The following STK31 variants were observed in gnomAD, a reference collection of about 807,000 sequenced individuals.
STK31 encodes the protein serine/threonine kinase 31.
Under a neutral mutation model 129.7 loss-of-function variants are expected in STK31, and 89 were observed. The ratio of observed to expected loss-of-function variants is 0.69; its 90% confidence interval spans 0.58 to 0.82. The LOEUF (loss-of-function observed/expected upper bound fraction) is 0.82. STK31 is among the 40% of genes least tolerant of loss of function. The probability of loss-of-function intolerance (pLI) is 0.00; values close to 1 mark genes in which losing one functional copy is unlikely to be tolerated. For synonymous variants in STK31, 448 were observed against 395.3 expected, an observed-to-expected ratio of 1.13 and a Z score of -1.58; for missense variants, 1,187 against 1,176.4, an observed-to-expected ratio of 1.01 and a Z score of -0.13.
chr7:23,754,363 A>G lies in STK31; in HGVS notation c.1182A>G (p.Ile394Met), dbSNP rs766743451. The change falls in exon 10 of 24, where the codon ATA (isoleucine) becomes ATG (methionine). Residue 394 changes from isoleucine to methionine, a missense_variant. Transcript: ENST00000355870. ...TCGGAAAAGACCTTTCAGATGCTATACAAGTGTTGGATGAAGGGTGCTTTA... is the reference window on the plus strand; with the variant it reads ...TCGGAAAAGACCTTTCAGATGCTATGCAAGTGTTGGATGAAGGGTGCTTTA... ...VRFGKDLSDA[I>M]QVLDEGCFTT... The G allele has an allele frequency of 1.2e-6, 2 of 1,613,946 alleles. No individual in the cohort carries two copies. The highest frequency in any genetic ancestry group is 2.7e-5 in the African/African-American group (2 of 74,908).
At chr7:23,714,447 T>A in intron 3 of STK31, among the ~76,000 whole-genome samples, 1 of 152,250 alleles carries the variant, frequency 6.6e-6, no homozygotes, top group Non-Finnish European at 1.5e-5. Flanking sequence ...ATGAGCCATG[T>A]AAGTAATTTT....
chr7:23,797,970 A>G (rs973088863), intron 22 of STK31, among the ~76,000 whole-genome samples: 1 of 152,140 alleles, frequency 6.6e-6, no homozygotes, highest in South Asian at 2.1e-4. Context: ...TGCAATAAAC[A>G]CCTCTATGCA....
chr7:23,716,430 A>G (rs749681024), intron 3 of STK31, among the ~76,000 whole-genome samples: 2 of 152,018 alleles, frequency 1.3e-5, no homozygotes, highest in Non-Finnish European at 2.9e-5. Flanking sequence ...TTCTTTTGTA[A>G]TTAATTAATG....
intron 23 of STK31, among the ~76,000 whole-genome samples, chr7:23,831,755 GT>G (rs1308129270): frequency 2.6e-5 from 4 of 152,160 alleles, no homozygotes; most frequent in African/African-American, 9.7e-5. Flanking sequence ...GTTTATATGT[GT>G]TTTGTAATGG....
intron 4 of STK31, among the ~76,000 whole-genome samples, chr7:23,726,895 T>C (rs1787121372): frequency 6.6e-6 from 1 of 152,174 alleles, no homozygotes; most frequent in Admixed American, 6.5e-5. Context: ...GTACCAATTA[T>C]CGCCTCAGAT....
intron 18 of STK31, 121 bp downstream of exon 18, chr7:23,785,724 A>G (rs1347809676): frequency 1.0e-5 from 13 of 1,279,096 alleles, no homozygotes; most frequent in Non-Finnish European, 1.1e-5. Context: ...GTTGACTGGC[A>G]TGATAATTGT....
At chr7:23,750,794 T>C (rs1788664778) in intron 8 of STK31, among the ~76,000 whole-genome samples, 1 of 152,222 alleles carries the variant, frequency 6.6e-6, no homozygotes, top group African/African-American at 2.4e-5. Flanking sequence ...GTGTGATATT[T>C]TGTCATATGC....
rs79427498 is a variant in STK31, at chr7:23,743,383, T to A, written c.1017+6305T>A. The stretch of plus-strand genomic sequence containing the variant: ...TGCTTGCCTGGGAAAGACTACTACT[T>A]CTTCATTCATGAAAGACAACTTTGC... On this transcript the variant is annotated intron_variant, in intron 8 of 23. Transcript: ENST00000355870. Among the ~76,000 whole-genome samples the A allele has an allele frequency of 1.8e-3, 272 of 152,322 alleles. 7 individuals carry two copies. In the East Asian group the frequency reaches 0.046, roughly 26 times the overall value.
chr7:23,772,278 G>A lies in STK31; in HGVS notation c.1965G>A (p.Glu655=). ...WKLVEKSNLE[E]SDDPDGSQIE... is the part of the protein sequence containing the mutation. ...TGGTTGAAAAGAGTAATTTGGAAGA[G>A]GTAAGGAAACAGTTGTTTCTTACTG... The change falls in exon 15 of 24, where the codon GAG becomes GAA. Residue 655 remains glutamate (E), a splice_region_variant and synonymous_variant. Transcript: ENST00000355870. 1 of 1,601,018 alleles carries A rather than the reference G, an allele frequency of 6.2e-7. No individual in the cohort carries two copies. Among genetic ancestry groups the A allele is most frequent in the Non-Finnish European group, 8.5e-7 (1 of 1,175,796 alleles).
chr7:23,735,760 C>T lies in STK31; in HGVS notation c.706C>T (p.Leu236Phe). 6.2e-7 allele frequency: 1 copy of T among 1,614,086 alleles called. No homozygotes were observed. Among genetic ancestry groups the T allele is most frequent in the Non-Finnish European group, 8.5e-7 (1 of 1,180,022 alleles). Residue 236 changes from leucine (L) to phenylalanine (F), a missense_variant, in exon 7 of 24, where the codon CTC becomes TTC. By Grantham distance (22) the Leu-to-Phe change is conservative. This residue lies in a region of STK31 where 975 missense variants were observed against 934.9 expected (regional missense o/e 1.04). Coordinates refer to ENST00000355870, the MANE Select transcript of STK31 (RefSeq NM_031414.5). Reference sequence around the variant, plus strand: ...TCCTGGTCAACTTGTTCTCAGGAACCTCAAAAGCCCCATTCCTTTGTGGGG... The same window carrying T: ...TCCTGGTCAACTTGTTCTCAGGAACTTCAAAAGCCCCATTCCTTTGTGGGG... ...LDPGQLVLRN[L>F]KSPIPLWGHR...
intron 11 of STK31, among the ~76,000 whole-genome samples, chr7:23,768,402 T>C (rs1369922872): frequency 2.6e-5 from 4 of 152,236 alleles, no homozygotes; most frequent in African/African-American, 9.6e-5. Flanking sequence ...AAGTGATGCA[T>C]GATTGTCCAT....
At chr7:23,775,654 G>A (rs1790490230) in intron 15 of STK31, among the ~76,000 whole-genome samples, 1 of 152,132 alleles carries the variant, frequency 6.6e-6, no homozygotes, top group South Asian at 2.1e-4. Flanking sequence ...GTATAGGAAT[G>A]CTTGTGATTT....
chr7:23,737,907 C>T (rs1787814806), intron 8 of STK31, among the ~76,000 whole-genome samples: 1 of 151,310 alleles, frequency 6.6e-6, no homozygotes, highest in African/African-American at 2.4e-5. Flanking sequence ...GTGTGTTTAA[C>T]ACCAAATCTG....
intron 11 of STK31, among the ~76,000 whole-genome samples, chr7:23,768,127 G>A (rs938999237): frequency 2.0e-5 from 3 of 152,130 alleles, no homozygotes; most frequent in Non-Finnish European, 4.4e-5. Flanking sequence ...GGTTTGGTCA[G>A]TGATGGACTG....
chr7:23,813,706 C>T (rs1793294345), intron 22 of STK31, among the ~76,000 whole-genome samples: 1 of 152,170 alleles, frequency 6.6e-6, no homozygotes, highest in African/African-American at 2.4e-5. Context: ...CAAGGCTGAA[C>T]TGCCTGGTGC....
chr7:23,768,178 G>A (rs751746758), intron 11 of STK31, among the ~76,000 whole-genome samples: 2 of 152,042 alleles, frequency 1.3e-5, no homozygotes, highest in Non-Finnish European at 2.9e-5. Flanking sequence ...GTACTTAACT[G>A]TACCTTTTCT....
At chr7:23,773,631 A>G (rs1470150735) in intron 15 of STK31, among the ~76,000 whole-genome samples, 2 of 152,016 alleles carry the variant, frequency 1.3e-5, no homozygotes, top group East Asian at 1.9e-4. Context: ...GTCTTCCACA[A>G]TGGTTGAACT....
intron 3 of STK31, among the ~76,000 whole-genome samples, chr7:23,715,605 C>G (rs1183176549): frequency 2.7e-5 from 4 of 149,472 alleles, no homozygotes; most frequent in Non-Finnish European, 6.0e-5. Flanking sequence ...CAAAGAGCTC[C>G]TATTTGTTTT....
intron 23 of STK31, among the ~76,000 whole-genome samples, chr7:23,816,964 T>A (rs770988300): frequency 6.6e-6 from 1 of 152,062 alleles, no homozygotes; most frequent in Admixed American, 6.6e-5. Flanking sequence ...GGTGGGCAGA[T>A]CAACTGAGGT....
Sources: gnomAD v4.1 joint callset for allele counts (sites outside exome capture counted in the v4.1 genomes callset) on GRCh38, gnomAD v4.1.1 for gene constraint, gnomAD v4.1.1 regional missense constraint, MANE v1.5 for transcripts, NCBI Gene and HGNC (gene_info 2026-07-23, HGNC 2026-07-21) for gene names.